Variants in SYPL1 observed in about 807,000 individuals in gnomAD.
SYPL1 encodes synaptophysin like 1.
A neutral mutation model predicts 23.7 loss-of-function variants in SYPL1; 6 were observed. That is an observed-to-expected ratio of 0.25 (90% CI 0.14 to 0.50). SYPL1 has a LOEUF of 0.50. Among genes scored for constraint, SYPL1 ranks in the 20% least tolerant of loss-of-function variants. SYPL1 has a pLI of 0.98. For synonymous variants in SYPL1, 102 were observed against 104.5 expected (o/e 0.98, Z 0.15); for missense variants, 253 against 288.9 (o/e 0.88, Z 0.90).
intron 1 of SYPL1, among the ~76,000 whole-genome samples, chr7:106,111,071 A>C (rs1424055542): frequency 6.6e-6 from 1 of 152,260 alleles, no homozygotes; most frequent in East Asian, 1.9e-4. Context: ...CAGAAAACAC[A>C]CAAAATGTTC....
rs544777236 is a variant in SYPL1 at position 106,097,230 on chromosome 7, A to G, written c.402+460T>C. 4.6e-5 allele frequency among the ~76,000 whole-genome samples: 7 copies of G among 152,298 alleles called. No homozygotes were observed. The highest frequency in any genetic ancestry group is 1.3e-4 in the Admixed American group (2 of 15,300). On this transcript the variant is annotated intron_variant, in intron 3 of 4. Transcript: ENST00000455385. The surrounding 1 kb of genome is among the most constrained non-coding windows in gnomAD (Gnocchi z 4.6). ...AAAGTAAATATATAAATAAAGAAGT[A>G]AAAATAAAAAATAAGACAGTGACCT...
rs950275523 is a variant in SYPL1, at chr7:106,097,714, C to T, written c.378G>A (p.Leu126=). The T allele has an allele frequency of 5.6e-6, 9 of 1,612,992 alleles. No homozygotes were observed. The African/African-American group carries it at 1.2e-4, about 22-fold the overall frequency. The change falls in exon 3 of 5, where the codon CTG becomes CTA. Residue 126 remains leucine (L), a synonymous_variant. Coordinates refer to ENST00000455385, the MANE Select transcript of SYPL1 (RefSeq NM_182715.4). The surrounding 1 kb of genome is among the most constrained non-coding windows in gnomAD (Gnocchi z 4.6). The part of the protein sequence containing the change: ...LLYVGYTSLY[L]DSRKLPMIDF... ...CTATCATAGGAAGTTTACGACTATC[C>T]AGATACAGACTCGTGTAGCCAACAT...
rs942526190 is a variant in SYPL1, at chr7:106,096,858, T to C, written c.402+832A>G. On this transcript the variant is annotated intron_variant, in intron 3 of 4. Coordinates refer to ENST00000455385, the MANE Select transcript of SYPL1 (RefSeq NM_182715.4). The surrounding 1 kb of genome is among the most constrained non-coding windows in gnomAD (Gnocchi z 4.4). ...ACTACTCAACTTTACCATTGCAGTG[T>C]GAAAGCAGCCATAGGCAATGTGTAA... 2.6e-5 allele frequency among the ~76,000 whole-genome samples: 4 copies of C among 152,194 alleles called. No homozygotes were observed. Among genetic ancestry groups the C allele is most frequent in the Non-Finnish European group, 4.4e-5 (3 of 68,048 alleles).
chr7:106,098,362 C>T (rs1386830150), intron 2 of SYPL1, among the ~76,000 whole-genome samples: 1 of 152,108 alleles, frequency 6.6e-6, no homozygotes, highest in Non-Finnish European at 1.5e-5. Context: ...AAACTTGTCA[C>T]TAAAGATGCT....
chr7:106,110,944 C>T (rs1441054078), intron 1 of SYPL1, among the ~76,000 whole-genome samples: 1 of 152,204 alleles, frequency 6.6e-6, no homozygotes, highest in South Asian at 2.1e-4. Flanking sequence ...TTTTTAAATG[C>T]TTTAATCATG....
At chr7:106,106,662 T>G (rs569643877) in intron 1 of SYPL1, among the ~76,000 whole-genome samples, 1 of 151,466 alleles carries the variant, frequency 6.6e-6, no homozygotes, top group Admixed American at 6.6e-5. Context: ...CTGGGTGACA[T>G]GGTGGGACTC....
chr7:106,094,034 T>C (rs1585934557), intron 3 of SYPL1, among the ~76,000 whole-genome samples: 1 of 152,170 alleles, frequency 6.6e-6, no homozygotes. Context: ...ATGACCAGGG[T>C]AGGAATAATA....
intron 2 of SYPL1, among the ~76,000 whole-genome samples, chr7:106,098,224 G>C (rs147447047): frequency 3.2e-4 from 48 of 152,298 alleles, no homozygotes; most frequent in African/African-American, 1.1e-3. Context: ...ATTTCATTCT[G>C]TGTGGCAGAG....
intron 1 of SYPL1, among the ~76,000 whole-genome samples, chr7:106,101,898 A>G (rs1840344467): frequency 6.6e-6 from 1 of 152,130 alleles, no homozygotes; most frequent in Non-Finnish European, 1.5e-5. Flanking sequence ...TGATTTGTAG[A>G]TCACGGAGGA....
In SYPL1 at chr7:106,101,809, C is replaced by T. The variant is rs566823027; in HGVS notation, c.70-2527G>A. Among the ~76,000 whole-genome samples, 8 of 145,332 alleles carry T rather than the reference C, an allele frequency of 5.5e-5. No homozygotes were observed. In the South Asian group the frequency reaches 1.3e-3, roughly 24 times the overall value. On this transcript the variant is annotated intron_variant, in intron 1 of 4. Transcript: ENST00000455385. The stretch of plus-strand genomic sequence containing the variant: ...AAAAAAAAAGAAAAGAAATGAGATA[C>T]ACAAATTGAACCAATGGAGCAGAAT...
rs539171279 is a variant in SYPL1, at chr7:106,109,743, A to G, written c.69+2397T>C. On this transcript the variant is annotated intron_variant, in intron 1 of 4. Coordinates refer to ENST00000455385, the MANE Select transcript of SYPL1 (RefSeq NM_182715.4). The surrounding 1 kb of genome is among the most constrained non-coding windows in gnomAD (Gnocchi z 4.3). ...CAACGAAGTCAGAAAGACAGCAGTC[A>G]TCTTAGGGTCCTCCCTCTTTGTTAC... 6.6e-6 allele frequency among the ~76,000 whole-genome samples: 1 copy of G among 152,320 alleles called. No individual in the cohort carries two copies. The highest frequency in any genetic ancestry group is 2.1e-4 in the South Asian group (1 of 4,826).
At position 106,095,540 on chromosome 7, in the gene SYPL1, G is replaced by T. The variant is rs562677991; in HGVS notation, c.402+2150C>A. The stretch of plus-strand genomic sequence containing the variant: ...ATTTTTGTATTTTTAGCAGAGATGG[G>T]GTTTCACCATGTTGGCCAGGCTGGT... On this transcript the variant is annotated intron_variant, in intron 3 of 4. Transcript: ENST00000455385. This position sits in a 1 kb window ranked among gnomAD's most constrained non-coding sequence, Gnocchi z 4.3. Among the ~76,000 whole-genome samples the T allele has an allele frequency of 6.6e-6, 1 of 152,062 alleles. No individual in the cohort carries two copies. The highest frequency in any genetic ancestry group is 1.5e-5 in the Non-Finnish European group (1 of 67,982).
chr7:106,098,960 C>G (rs569541931), intron 2 of SYPL1, among the ~76,000 whole-genome samples, 198 bp downstream of exon 2: 1 of 152,326 alleles, frequency 6.6e-6, no homozygotes, highest in South Asian at 2.1e-4. Flanking sequence ...ACTTTCTGTA[C>G]TATTTTGTCA....
rs543109663 is a variant in SYPL1 at position 106,107,939 on chromosome 7, A to G, written c.69+4201T>C. On this transcript the variant is annotated intron_variant, in intron 1 of 4. Transcript: ENST00000455385. ...GCCAGGCGCGGTGGCTCATGCCTAT[A>G]ATCCCAGCACTTGGGGAGGCCGAGG... Among the ~76,000 whole-genome samples the G allele has an allele frequency of 3.9e-5, 6 of 152,262 alleles. No homozygotes were observed. The South Asian group carries it at 1.2e-3, about 32-fold the overall frequency.
At chr7:106,102,012 G>A (rs1023766728) in intron 1 of SYPL1, among the ~76,000 whole-genome samples, 4 of 152,054 alleles carry the variant, frequency 2.6e-5, no homozygotes, top group Admixed American at 2.6e-4. Flanking sequence ...ACTAAATGTA[G>A]TGACTTGCTT....
intron 2 of SYPL1, among the ~76,000 whole-genome samples, chr7:106,098,488 CA>C (rs1228316464): frequency 5.9e-5 from 9 of 152,076 alleles, no homozygotes; most frequent in Non-Finnish European, 8.8e-5. Context: ...ATTTAATCAT[CA>C]AAACAGCCTT....
intron 2 of SYPL1, 47 bp downstream of exon 2, chr7:106,099,111 G>A (rs779907409): frequency 6.3e-7 from 1 of 1,576,046 alleles, no homozygotes; most frequent in South Asian, 1.2e-5. Context: ...ATGACTCACT[G>A]TGAAAGTAAA....
intron 1 of SYPL1, among the ~76,000 whole-genome samples, chr7:106,107,809 C>T (rs1840686429): frequency 6.6e-6 from 1 of 151,548 alleles, no homozygotes; most frequent in South Asian, 2.1e-4. Context: ...AAATAAACAG[C>T]TAGAAGTTTT....
rs1159059110 is a variant in SYPL1 at position 106,093,787 on chromosome 7, G to C, written c.403-650C>G. 2.5e-5 allele frequency among the ~76,000 whole-genome samples: 2 copies of C among 79,918 alleles called. 1 individual carries two copies. Among genetic ancestry groups the C allele is most frequent in the Non-Finnish European group, 7.3e-5 (2 of 27,438 alleles). The allele number at this position is 79,918 out of a possible 152,430, so 52.4% of individuals were successfully genotyped here. A position where few individuals can be genotyped will look rare whatever the true frequency, so the allele number is the denominator to read the frequency against. ...ATAAAATGGTGAAAAGCACACACCA[G>C]AATGGTATCTCTTTTAAATTTCCTA... On this transcript the variant is annotated intron_variant, in intron 3 of 4. Coordinates refer to ENST00000455385, the MANE Select transcript of SYPL1 (RefSeq NM_182715.4).
Sources: allele counts gnomAD v4.1 joint callset (sites outside exome capture counted in the v4.1 genomes callset), GRCh38; gene constraint gnomAD v4.1.1; non-coding constraint Gnocchi (gnomAD v3.1); transcripts MANE v1.5; gene names NCBI Gene and HGNC (gene_info 2026-07-23, HGNC 2026-07-21).